KNL1: variants seen among roughly 807,000 people sequenced by gnomAD.
KNL1 encodes outer kinetochore KNL1 complex subunit KNL1.
A neutral mutation model predicts 201.3 loss-of-function variants in KNL1; 66 were observed. The observed-to-expected ratio is 0.33, with a 90% CI of 0.27 to 0.40. The LOEUF is 0.40. KNL1 is among the 10% of genes least tolerant of loss of function. The pLI is 1.00. For synonymous variants in KNL1, 895 were observed against 899.2 expected, an observed-to-expected ratio of 1.00 and a Z score of 0.08; for missense variants, 2,815 against 2,690.5, an observed-to-expected ratio of 1.05 and a Z score of -1.02.
Position 40,623,142 on chromosome 15 carries a change from G to A in KNL1, c.2878G>A (p.Val960Ile). 2 of 1,613,820 alleles carry A rather than the reference G, an allele frequency of 1.2e-6. No homozygotes were observed. The highest frequency in any genetic ancestry group is 2.2e-5 in the East Asian group (1 of 44,860). The change falls in exon 10 of 26, where the codon GTT (valine) becomes ATT (isoleucine). Residue 960 changes from valine to isoleucine, a missense_variant. Val to Ile is a conservative substitution (Grantham distance 29, BLOSUM62 3). This residue lies in a region of KNL1 where 2,464 missense variants were observed against 2,291.7 expected (regional missense o/e 1.08). Coordinates refer to ENST00000399668, the MANE Select transcript of KNL1 (RefSeq NM_144508.5). ...ACTAGAAATGACAGAGTCCCATACT[G>A]TTTTCATTGACTACCAAGAAAAGGA... The part of the protein sequence containing the change: ...VELEMTESHT[V>I]FIDYQEKERT...
At chr15:40,600,023 T>G (rs1891741386) in intron 1 of KNL1, among the ~76,000 whole-genome samples, 1 of 151,972 alleles carries the variant, frequency 6.6e-6, no homozygotes, top group Admixed American at 6.6e-5. Context: ...CGTGATATAT[T>G]ATCCTTCTTA....
chr15:40,620,215 A>AT (rs1892471128), intron 9 of KNL1, among the ~76,000 whole-genome samples: 4 of 83,476 alleles, frequency 4.8e-5, no homozygotes, highest in African/African-American at 2.1e-4. Flanking sequence ...AGCCTAGAAT[A>AT]ATTTTTTTTT....
intron 13 of KNL1, among the ~76,000 whole-genome samples, chr15:40,629,865 G>C (rs1390322785): frequency 6.6e-6 from 1 of 151,844 alleles, no homozygotes; most frequent in African/African-American, 2.4e-5. Flanking sequence ...TTTTCACATG[G>C]ATTTTTTTAA....
intron 1 of KNL1, among the ~76,000 whole-genome samples, chr15:40,600,275 A>G (rs567183860): frequency 6.6e-6 from 1 of 152,208 alleles, no homozygotes; most frequent in East Asian, 1.9e-4. Context: ...GGGTTTCACC[A>G]TGTTGGCCAG....
In KNL1 at chr15:40,622,024, C is replaced by T. The variant is rs1356392666; in HGVS notation, c.1760C>T (p.Pro587Leu). Residue 587 changes from proline (P) to leucine (L), a missense_variant, in exon 10 of 26, where the codon CCT becomes CTT. Pro to Leu is a moderately conservative substitution (Grantham distance 98). Transcript: ENST00000399668. The stretch of plus-strand genomic sequence containing the variant: ...ACAAGTAACTTAGGAAGTCAGGTTC[C>T]TCTTGCAGCTTATAATCTAGCACCG... ...SHTSNLGSQVPLAAYNLAPES... is the reference protein window; with the variant it reads ...SHTSNLGSQVLLAAYNLAPES... 2 of 1,614,054 alleles carry T rather than the reference C, an allele frequency of 1.2e-6. No homozygotes were observed. The highest frequency in any genetic ancestry group is 2.2e-5 in the South Asian group (2 of 91,078).
intron 2 of KNL1, 134 bp from the exon 3 acceptor site, chr15:40,604,976 A>G (rs1182038489): frequency 1.2e-5 from 7 of 589,744 alleles, no homozygotes; most frequent in Non-Finnish European, 2.2e-5. Context: ...AGTCTTGTAT[A>G]TAAATTTTGC....
At chr15:40,599,892 C>G (rs923333934) in intron 1 of KNL1, among the ~76,000 whole-genome samples, 9 of 150,146 alleles carry the variant, frequency 6.0e-5, no homozygotes, top group Admixed American at 4.0e-4. Context: ...TACACTGCAG[C>G]CTGGAACTCC....
rs766806680 is a variant in KNL1, at chr15:40,602,980, A to T, written c.35+14A>T. On this transcript the variant is annotated intron_variant, in intron 2 of 25. Transcript: ENST00000399668. ...TAATGAAGAAAAGTAAGTTCATTTA[A>T]TGCAGCTAAAAATATTATATTCTAT... is the stretch of plus-strand genomic sequence containing the variant. The T allele has an allele frequency of 3.9e-6, 6 of 1,557,478 alleles. No individual in the cohort carries two copies. In the South Asian group the frequency reaches 5.7e-5, roughly 15 times the overall value.
Position 40,625,003 on chromosome 15 carries a change from C to A in KNL1, c.4739C>A (p.Pro1580Gln), listed in dbSNP as rs557951424. Residue 1580 changes from proline to glutamine, a missense_variant, in exon 10 of 26, where the codon CCA (proline) becomes CAA (glutamine). Physicochemically the swap from Pro to Gln is moderately conservative, Grantham distance 76. Coordinates refer to ENST00000399668, the MANE Select transcript of KNL1 (RefSeq NM_144508.5). ...EFLAFQTVHLPPLPEQLLELG... is the reference protein window; with the variant it reads ...EFLAFQTVHLQPLPEQLLELG... The stretch of plus-strand genomic sequence containing the variant: ...TTAGCCTTTCAAACTGTTCATCTAC[C>A]ACCCCTTCCAGAGCAATTACTTGAA... 1.2e-6 allele frequency: 2 copies of A among 1,613,924 alleles called. No individual in the cohort carries two copies. Among genetic ancestry groups the A allele is most frequent in the Admixed American group, 3.3e-5 (2 of 59,998 alleles).
chr15:40,608,939 T>A, intron 5 of KNL1, 31 bp downstream of exon 5: 1 of 1,454,364 alleles, frequency 6.9e-7, no homozygotes, highest in South Asian at 1.1e-5. Flanking sequence ...ACTAAAATAT[T>A]ATAGGTACTG....
Position 40,652,023 on chromosome 15 carries a change from C to T in KNL1, c.6333C>T (p.Val2111=), listed in dbSNP as rs765099315. The T allele has an allele frequency of 1.2e-5, 19 of 1,612,772 alleles. No individual in the cohort carries two copies. Among genetic ancestry groups the T allele is most frequent in the South Asian group, 2.2e-5 (2 of 90,998 alleles). Residue 2111 remains valine (V), a synonymous_variant, in exon 21 of 26, where the codon GTC becomes GTT. Coordinates refer to ENST00000399668, the MANE Select transcript of KNL1 (RefSeq NM_144508.5). ...TCTACAGCTTGTCTGAGTGGGATGT[C>T]GTTGAGTGGAGTGATGATCAAGCTG... ...LDQLSLSEWD[V]VEWSDDQAVF...
intron 14 of KNL1, among the ~76,000 whole-genome samples, chr15:40,641,876 TC>T (rs1893239986): frequency 1.3e-5 from 2 of 152,234 alleles, no homozygotes; most frequent in Non-Finnish European, 2.9e-5. Flanking sequence ...AGAAGATAGC[TC>T]ATTGCTATGG....
intron 21 of KNL1, among the ~76,000 whole-genome samples, chr15:40,652,469 T>C (rs1317815668): frequency 6.6e-6 from 1 of 150,648 alleles, no homozygotes; most frequent in African/African-American, 2.4e-5. Flanking sequence ...TTTTTTTTTT[T>C]TTTCTTTTTT....
chr15:40,655,878 T>G (rs1893715288), intron 22 of KNL1, among the ~76,000 whole-genome samples: 1 of 149,584 alleles, frequency 6.7e-6, no homozygotes, highest in East Asian at 2.0e-4. Flanking sequence ...ATCGCGCCAC[T>G]GCATTCCAGC....
Position 40,623,592 on chromosome 15 carries a change from T to G in KNL1, c.3328T>G (p.Leu1110Val), listed in dbSNP as rs779935052. The change falls in exon 10 of 26, where the codon TTG becomes GTG. Residue 1110 changes from leucine to valine, a missense_variant. By Grantham distance (32) the Leu-to-Val change is conservative. Coordinates refer to ENST00000399668, the MANE Select transcript of KNL1 (RefSeq NM_144508.5). ...SALEDKEDFH[L>V]AGASKTILYS... ...CCTGGAGGATAAAGAGGACTTCCAT[T>G]TGGCAGGGGCTTCTAAAACTATTTT... The G allele has an allele frequency of 2.1e-5, 34 of 1,613,604 alleles. No individual in the cohort carries two copies. Among genetic ancestry groups the G allele is most frequent in the Non-Finnish European group, 2.8e-5 (33 of 1,179,888 alleles).
intron 1 of KNL1, among the ~76,000 whole-genome samples, chr15:40,595,729 G>A (rs1891601573): frequency 6.6e-6 from 1 of 152,140 alleles, no homozygotes; most frequent in Admixed American, 6.5e-5. Flanking sequence ...GGACTATGGA[G>A]CACTTGAAAT....
chr15:40,637,678 A>G (rs991797053), intron 13 of KNL1, among the ~76,000 whole-genome samples: 2 of 152,206 alleles, frequency 1.3e-5, no homozygotes, highest in East Asian at 1.9e-4. Flanking sequence ...ATGGGTGGCC[A>G]AGGTAGTGAT....
chr15:40,599,903 A>G (rs986142394), intron 1 of KNL1, among the ~76,000 whole-genome samples: 19 of 149,388 alleles, frequency 1.3e-4, no homozygotes, highest in African/African-American at 4.4e-4. Context: ...CTGGAACTCC[A>G]GGGTTCCAGA....
chr15:40,650,245 TTTTC>T, intron 17 of KNL1, 52 bp from the exon 18 acceptor site: 1 of 1,096,236 alleles, frequency 9.1e-7, no homozygotes, highest in Non-Finnish European at 1.3e-6. Flanking sequence ...CCTTACTTTG[TTTTC>T]TTTTTTTACT....
Sources: allele counts gnomAD v4.1 joint callset (sites outside exome capture counted in the v4.1 genomes callset), GRCh38; gene constraint gnomAD v4.1.1; regional missense constraint gnomAD v4.1.1; transcripts MANE v1.5; gene names NCBI Gene and HGNC (gene_info 2026-07-23, HGNC 2026-07-21).